HS6ST3: variants seen among roughly 807,000 people sequenced by gnomAD.
The protein encoded by HS6ST3 is heparan sulfate 6-O-sulfotransferase 3, also known as heparan-sulfate 6-O-sulfotransferase 3.
A neutral mutation model predicts 36.7 loss-of-function variants in HS6ST3; 12 were observed. That is an observed-to-expected ratio of 0.33 (90% CI 0.21 to 0.53). The LOEUF is 0.53. Among genes scored for constraint, HS6ST3 ranks in the 20% least tolerant of loss-of-function variants. The probability of loss-of-function intolerance (pLI) is 0.95; values close to 1 mark genes in which losing one functional copy is unlikely to be tolerated. For missense variants in HS6ST3, 584 were observed against 640.9 expected (o/e 0.91, Z 0.96); for synonymous variants, 240 against 257.5 (o/e 0.93, Z 0.65).
At chr13:96,150,551 G>C (rs958879155) in intron 1 of HS6ST3, among the ~76,000 whole-genome samples, 7 of 152,048 alleles carry the variant, frequency 4.6e-5, no homozygotes, top group African/African-American at 1.7e-4. Flanking sequence ...GTTAAATGGA[G>C]ATAGATTTCC....
chr13:96,151,330 G>A (rs1036914116), intron 1 of HS6ST3, among the ~76,000 whole-genome samples: 1 of 151,772 alleles, frequency 6.6e-6, no homozygotes. Context: ...TTTGAACCTG[G>A]GAGGTGGAGG....
intron 1 of HS6ST3, among the ~76,000 whole-genome samples, chr13:96,582,772 A>G (rs1336616390): frequency 6.6e-6 from 1 of 152,132 alleles, no homozygotes; most frequent in Admixed American, 6.5e-5. Flanking sequence ...TTTTCCAAAT[A>G]TGTTCCATCC....
intron 1 of HS6ST3, among the ~76,000 whole-genome samples, chr13:96,379,834 T>C (rs932573329): frequency 1.3e-5 from 2 of 152,220 alleles, no homozygotes; most frequent in African/African-American, 4.8e-5. Flanking sequence ...GAGGCTGTGC[T>C]TTATCAAATA....
At chr13:96,487,643 G>T (rs1252019136) in intron 1 of HS6ST3, among the ~76,000 whole-genome samples, 4 of 151,978 alleles carry the variant, frequency 2.6e-5, no homozygotes, top group Non-Finnish European at 5.9e-5. Context: ...AAGGACAAAG[G>T]CCATGTTTGG....
chr13:96,440,300 A>T (rs1307322359), intron 1 of HS6ST3, among the ~76,000 whole-genome samples: 1 of 152,124 alleles, frequency 6.6e-6, no homozygotes, highest in African/African-American at 2.4e-5. Flanking sequence ...TATAAAAATT[A>T]GCCAGGCATA....
intron 1 of HS6ST3, among the ~76,000 whole-genome samples, chr13:96,624,070 G>A (rs1021120660): frequency 7.2e-5 from 11 of 151,964 alleles, no homozygotes; most frequent in African/African-American, 2.4e-4. Flanking sequence ...GGTAAAATAT[G>A]TTTTATTTTT....
chr13:96,522,742 G>A (rs2056098782), intron 1 of HS6ST3, among the ~76,000 whole-genome samples: 1 of 151,844 alleles, frequency 6.6e-6, no homozygotes, highest in Non-Finnish European at 1.5e-5. Flanking sequence ...CCTTTATGTT[G>A]AGCCTATGTG....
intron 1 of HS6ST3, among the ~76,000 whole-genome samples, chr13:96,123,883 T>C (rs1202104960): frequency 2.0e-5 from 3 of 152,156 alleles, no homozygotes; most frequent in Non-Finnish European, 2.9e-5. Context: ...TTGAAGCTTC[T>C]TCCAGAAAAG....
intron 1 of HS6ST3, among the ~76,000 whole-genome samples, chr13:96,805,204 C>T (rs537128512): frequency 1.4e-4 from 21 of 152,166 alleles, no homozygotes; most frequent in Admixed American, 6.5e-4. Context: ...CCCCATGTGT[C>T]GGGGGAAGGG....
At chr13:96,189,488 G>A (rs2054279254) in intron 1 of HS6ST3, among the ~76,000 whole-genome samples, 1 of 151,982 alleles carries the variant, frequency 6.6e-6, no homozygotes, top group African/African-American at 2.4e-5. Flanking sequence ...GCTATCTCTC[G>A]ACAGAGTTAT....
chr13:96,626,704 T>C (rs1409632102), intron 1 of HS6ST3, among the ~76,000 whole-genome samples: 2 of 152,160 alleles, frequency 1.3e-5, no homozygotes, highest in African/African-American at 2.4e-5. Flanking sequence ...ACTTGACATT[T>C]CTATCAAATT....
intron 1 of HS6ST3, among the ~76,000 whole-genome samples, chr13:96,474,322 G>A (rs973272791): frequency 6.6e-6 from 1 of 152,186 alleles, no homozygotes; most frequent in African/African-American, 2.4e-5. Flanking sequence ...CTTGGGAAAG[G>A]TGACGATGGT....
At chr13:96,823,377 A>G (rs1878578051) in intron 1 of HS6ST3, among the ~76,000 whole-genome samples, 1 of 152,214 alleles carries the variant, frequency 6.6e-6, no homozygotes, top group Non-Finnish European at 1.5e-5. Flanking sequence ...TGGCCATACA[A>G]ATTATGACAC....
chr13:96,232,466 G>T (rs2054513420), intron 1 of HS6ST3, among the ~76,000 whole-genome samples: 1 of 152,170 alleles, frequency 6.6e-6, no homozygotes, highest in Non-Finnish European at 1.5e-5. Flanking sequence ...GAATGCTTCT[G>T]TATTGGGTGT....
chr13:96,285,614 G>GA (rs1223025719), intron 1 of HS6ST3, among the ~76,000 whole-genome samples: 2 of 152,178 alleles, frequency 1.3e-5, no homozygotes, highest in African/African-American at 2.4e-5. Flanking sequence ...GATGAATTTG[G>GA]TAGGCGTGCT....
At position 96,271,100 on chromosome 13, in the gene HS6ST3, A is replaced by G. The variant is rs530693803; in HGVS notation, c.707+179531A>G. Among the ~76,000 whole-genome samples, 74 of 151,982 alleles carry G rather than the reference A, an allele frequency of 4.9e-4. 2 individuals are homozygous for G. Among genetic ancestry groups the G allele is most frequent in the African/African-American group, 1.7e-3 (69 of 41,338 alleles). ...TTTAACAGCTGGCTCTATGGGGGGA[A>G]GAAAAGTGCCCTGGTGTATAGAGTT... is the stretch of plus-strand genomic sequence containing the variant. On this transcript the variant is annotated intron_variant, in intron 1 of 1. Coordinates refer to ENST00000376705, the MANE Select transcript of HS6ST3 (RefSeq NM_153456.4).
chr13:96,540,238 C>T (rs773838287), intron 1 of HS6ST3, among the ~76,000 whole-genome samples: 1 of 152,210 alleles, frequency 6.6e-6, no homozygotes, highest in Non-Finnish European at 1.5e-5. Flanking sequence ...GCATTTCTGC[C>T]CAGTCACTTC....
intron 1 of HS6ST3, among the ~76,000 whole-genome samples, chr13:96,762,048 A>G (rs1243584819): frequency 6.6e-6 from 1 of 151,976 alleles, no homozygotes; most frequent in Non-Finnish European, 1.5e-5. Context: ...AGTTATTTTT[A>G]TGTTTTTATA....
chr13:96,734,280 A>G (rs1471779798), intron 1 of HS6ST3, among the ~76,000 whole-genome samples: 2 of 152,248 alleles, frequency 1.3e-5, no homozygotes, highest in Non-Finnish European at 2.9e-5. Flanking sequence ...AGGAATAAAG[A>G]AAAATCATTT....
Sources: gnomAD v4.1 joint callset for allele counts (sites outside exome capture counted in the v4.1 genomes callset) on GRCh38, gnomAD v4.1.1 for gene constraint, MANE v1.5 for transcripts, NCBI Gene and HGNC (gene_info 2026-07-23, HGNC 2026-07-21) for gene names.